PIK3C2G: variants seen among roughly 807,000 people sequenced by gnomAD.
PIK3C2G encodes phosphatidylinositol-4-phosphate 3-kinase catalytic subunit type 2 gamma.
PIK3C2G carries 168 observed loss-of-function variants against 181.1 expected under a neutral mutation model. That is an observed-to-expected ratio of 0.93 (90% confidence interval 0.82 to 1.05). The LOEUF is 1.05. Ranked by LOEUF, PIK3C2G falls within the 50% of genes least tolerant of loss-of-function variation. PIK3C2G has a pLI of 0.00. For missense variants in PIK3C2G, 1,869 were observed against 1,732.8 expected (o/e 1.08, Z -1.40); for synonymous variants, 573 against 592.2 (o/e 0.97, Z 0.47).
chr12:18,318,625 C>T (rs1950972539), intron 6 of PIK3C2G, among the ~76,000 whole-genome samples: 1 of 151,758 alleles, frequency 6.6e-6, no homozygotes, highest in Admixed American at 6.6e-5. Context: ...ATATGACTAT[C>T]ATCATTATAT....
chr12:18,705,582 C>T, the PIK3C2G span, among the ~76,000 whole-genome samples: 1 of 152,020 alleles, frequency 6.6e-6, no homozygotes, highest in South Asian at 2.1e-4. Context: ...ATAAATTATA[C>T]TGGCCAGGCT....
In PIK3C2G at chr12:18,424,924, T is replaced by C. The variant is rs79853335; in HGVS notation, c.2504+885T>C. On this transcript the variant is annotated intron_variant, in intron 18 of 32. Transcript: ENST00000538779. Reference sequence around the variant, plus strand: ...TTAATGTTGCCATTCTCCAATTCCATATGGCATGTCCAACGTTCAGGGTGT... The same window carrying C: ...TTAATGTTGCCATTCTCCAATTCCACATGGCATGTCCAACGTTCAGGGTGT... The C allele has an allele frequency of 2.8e-3, 580 of 207,362 alleles. 4 individuals carry two copies. Among genetic ancestry groups the C allele is most frequent in the African/African-American group, 0.013 (546 of 43,036 alleles). 12.8% of individuals were successfully genotyped at this position (207,362 alleles called of 1,614,324 possible). A position where few individuals can be genotyped will look rare whatever the true frequency, so the allele number is the denominator to read the frequency against.
chr12:18,656,551 C>A, the PIK3C2G span, among the ~76,000 whole-genome samples: 11 of 152,066 alleles, frequency 7.2e-5, no homozygotes, highest in Non-Finnish European at 1.5e-4. Flanking sequence ...GGCGACAGAG[C>A]GAGACTCTGT....
chr12:18,404,665 A>T (rs1172792430), intron 16 of PIK3C2G, among the ~76,000 whole-genome samples: 2 of 152,200 alleles, frequency 1.3e-5, no homozygotes, highest in Non-Finnish European at 2.9e-5. Flanking sequence ...GAAAATAGTG[A>T]ATCATTTTAT....
chr12:18,415,272 T>C (rs1945111356), intron 16 of PIK3C2G, among the ~76,000 whole-genome samples: 1 of 152,222 alleles, frequency 6.6e-6, no homozygotes, highest in Non-Finnish European at 1.5e-5. Flanking sequence ...CTATGTCCCA[T>C]TTGGAAATTC....
At chr12:18,696,186 T>TAAA in the PIK3C2G span, 1 of 1,594,174 alleles carries the variant, frequency 6.3e-7, no homozygotes. Context: ...TCTTGGGGAT[T>TAAA]AAAATTAGAA....
intron 32 of PIK3C2G, among the ~76,000 whole-genome samples, chr12:18,642,391 T>C (rs2136809985): frequency 6.6e-6 from 1 of 152,338 alleles, no homozygotes; most frequent in East Asian, 1.9e-4. Flanking sequence ...TGAATTTCTT[T>C]TGCACGTTTG....
chr12:18,429,359 A>G (rs1792826047), intron 18 of PIK3C2G, among the ~76,000 whole-genome samples: 1 of 152,154 alleles, frequency 6.6e-6, no homozygotes, highest in Admixed American at 6.5e-5. Context: ...CATTTCTGTT[A>G]TCACTAGTTT....
intron 18 of PIK3C2G, among the ~76,000 whole-genome samples, chr12:18,439,846 C>G (rs1205205199): frequency 6.6e-6 from 1 of 152,150 alleles, no homozygotes; most frequent in East Asian, 1.9e-4. Flanking sequence ...TTATTAATCA[C>G]ACACCATGTA....
chr12:18,275,436 C>T (rs1312393900), intron 1 of PIK3C2G, among the ~76,000 whole-genome samples: 1 of 152,104 alleles, frequency 6.6e-6, no homozygotes, highest in East Asian at 1.9e-4. Context: ...GGCCGGAGTG[C>T]AGTGACATGA....
chr12:18,399,532 A>G (rs1944120022), intron 15 of PIK3C2G, 127 bp from the exon 16 acceptor site: 1 of 465,102 alleles, frequency 2.2e-6, no homozygotes, highest in East Asian at 3.1e-5. Context: ...AAGGTAAAAG[A>G]TGTTTTTGAA....
chr12:18,714,737 G>A, the PIK3C2G span: 1 of 152,072 alleles, frequency 6.6e-6, no homozygotes, highest in African/African-American at 2.4e-5. Context: ...AGACATTTTC[G>A]GCTGCCACAA....
chr12:18,423,756 A>G (rs754118051), intron 17 of PIK3C2G, among the ~76,000 whole-genome samples, 189 bp from the exon 18 acceptor site: 17 of 152,180 alleles, frequency 1.1e-4, no homozygotes, highest in Non-Finnish European at 1.9e-4. Context: ...TACAAATCCA[A>G]ATGGTGTAAT....
At chr12:18,640,019 C>T (rs1167546945) in intron 31 of PIK3C2G, among the ~76,000 whole-genome samples, 1 of 151,656 alleles carries the variant, frequency 6.6e-6, no homozygotes, top group Non-Finnish European at 1.5e-5. Flanking sequence ...TGCTACATCT[C>T]ATTTTATATA....
At chr12:18,356,928 G>A (rs1386258051) in intron 11 of PIK3C2G, among the ~76,000 whole-genome samples, 3 of 151,850 alleles carry the variant, frequency 2.0e-5, no homozygotes, top group Non-Finnish European at 2.9e-5. Context: ...AGGAAGACAC[G>A]TCCTCACTTT....
chr12:18,369,731 A>T (rs1211652500), intron 12 of PIK3C2G, among the ~76,000 whole-genome samples: 8 of 74,498 alleles, frequency 1.1e-4, no homozygotes, highest in Non-Finnish European at 4.8e-5. Flanking sequence ...TATAATTGAC[A>T]TATGATCATA....
intron 24 of PIK3C2G, among the ~76,000 whole-genome samples, chr12:18,535,656 A>AATT (rs1312799422): frequency 2.0e-5 from 3 of 152,098 alleles, no homozygotes; most frequent in Non-Finnish European, 4.4e-5. Flanking sequence ...ACTCTTCTAA[A>AATT]ATTATTTCCG....
At chr12:18,689,769 T>C in the PIK3C2G span, among the ~76,000 whole-genome samples, 1 of 152,158 alleles carries the variant, frequency 6.6e-6, no homozygotes, top group Non-Finnish European at 1.5e-5. Flanking sequence ...AACTCTCAGA[T>C]TGCAGGTGAC....
intron 1 of PIK3C2G, among the ~76,000 whole-genome samples, chr12:18,274,077 G>C (rs1192236696): frequency 6.6e-6 from 1 of 152,174 alleles, no homozygotes; most frequent in Non-Finnish European, 1.5e-5. Flanking sequence ...GGCCATCAGA[G>C]AAATGCAAAT....
Sources: allele counts gnomAD v4.1 joint callset (sites outside exome capture counted in the v4.1 genomes callset), GRCh38; gene constraint gnomAD v4.1.1; transcripts MANE v1.5; gene names NCBI Gene and HGNC (gene_info 2026-07-23, HGNC 2026-07-21).